The following CENPP variants were observed in gnomAD, a reference collection of about 807,000 sequenced individuals.
CENPP encodes the protein centromere protein P.
In CENPP, 24 loss-of-function variants were observed where a neutral mutation model predicts 35.6. The ratio of observed to expected loss-of-function variants is 0.67; its 90% confidence interval spans 0.49 to 0.95. The LOEUF is 0.95. Ranked by LOEUF, CENPP falls within the 40% of genes least tolerant of loss-of-function variation. The probability of loss-of-function intolerance (pLI) is 0.00; values close to 1 mark genes in which losing one functional copy is unlikely to be tolerated. For synonymous variants in CENPP, 120 were observed against 125.5 expected (o/e 0.96, Z 0.29); for missense variants, 332 against 345.3 (o/e 0.96, Z 0.31).
intron 5 of CENPP, among the ~76,000 whole-genome samples, chr9:92,446,604 T>G (rs890086355): frequency 6.6e-6 from 1 of 152,020 alleles, no homozygotes; most frequent in Non-Finnish European, 1.5e-5. Flanking sequence ...TGTGAATAAA[T>G]TTTTTTTCTT....
intron 5 of CENPP, among the ~76,000 whole-genome samples, chr9:92,520,474 G>A (rs1847997994): frequency 6.6e-6 from 1 of 152,164 alleles, no homozygotes; most frequent in Non-Finnish European, 1.5e-5. Flanking sequence ...TTGTTGGCAG[G>A]AATGTAGAGA....
intron 4 of CENPP, among the ~76,000 whole-genome samples, chr9:92,352,505 G>GTGTGTGTGTGTGTGTATA: frequency 2.0e-5 from 1 of 49,792 alleles, no homozygotes; most frequent in Non-Finnish European, 3.3e-5. Flanking sequence ...GTGTGTGTGT[G>GTGTGTGTGTGTGTGTATA]TATACATATA....
chr9:92,469,391 G>T (rs1845428203), intron 5 of CENPP, among the ~76,000 whole-genome samples: 1 of 152,126 alleles, frequency 6.6e-6, no homozygotes, highest in Non-Finnish European at 1.5e-5. Flanking sequence ...GCATCCCTCA[G>T]TCTGCCTTAA....
chr9:92,478,968 G>C (rs1361175685), intron 5 of CENPP, among the ~76,000 whole-genome samples: 1 of 152,142 alleles, frequency 6.6e-6, no homozygotes, highest in Non-Finnish European at 1.5e-5. Flanking sequence ...TGGCCTGGCA[G>C]CGGGAGCAAG....
chr9:92,400,959 T>G (rs192414021), intron 5 of CENPP: 159 of 541,076 alleles, frequency 2.9e-4, no homozygotes, highest in Middle Eastern at 2.5e-3. Context: ...CCAGTTTGAG[T>G]TTATCATTGG....
At chr9:92,516,947 C>CGG in intron 5 of CENPP, 1 of 152,394 alleles carries the variant, frequency 6.6e-6, no homozygotes, top group Non-Finnish European at 1.5e-5. Flanking sequence ...GTCCCTATCC[C>CGG]TTCCCAGCCA....
intron 5 of CENPP, among the ~76,000 whole-genome samples, chr9:92,428,729 G>T (rs889496934): frequency 6.6e-6 from 1 of 152,036 alleles, no homozygotes; most frequent in African/African-American, 2.4e-5. Flanking sequence ...GCTTCTACTT[G>T]TTACTTCCAG....
chr9:92,418,656 C>T (rs1177981083), intron 5 of CENPP, among the ~76,000 whole-genome samples: 1 of 152,132 alleles, frequency 6.6e-6, no homozygotes, highest in Non-Finnish European at 1.5e-5. Flanking sequence ...GAGCTTTTGC[C>T]TGGGAGATTC....
At chr9:92,459,665 G>A (rs1845022464) in intron 5 of CENPP, 1 of 1,613,002 alleles carries the variant, frequency 6.2e-7, no homozygotes, top group Non-Finnish European at 8.5e-7. Context: ...ATCCTGAAGG[G>A]ATTTTTTTTA....
intron 5 of CENPP, among the ~76,000 whole-genome samples, chr9:92,492,887 T>G (rs1846211901): frequency 1.3e-5 from 2 of 152,176 alleles, no homozygotes; most frequent in South Asian, 4.1e-4. Flanking sequence ...AGGAGGTTGG[T>G]GAGCTTGCAG....
intron 5 of CENPP, among the ~76,000 whole-genome samples, chr9:92,405,162 A>T (rs942465149): frequency 1.3e-5 from 2 of 152,146 alleles, no homozygotes; most frequent in Non-Finnish European, 2.9e-5. Context: ...ATAGTTTTTG[A>T]GGTTGATAGT....
intron 5 of CENPP, among the ~76,000 whole-genome samples, chr9:92,524,955 T>C (rs761025487): frequency 3.3e-5 from 5 of 152,060 alleles, no homozygotes; most frequent in East Asian, 1.9e-4. Flanking sequence ...AGGAGAGGCA[T>C]TGAAGGATTA....
intron 2 of CENPP, 22 bp downstream of exon 2, chr9:92,332,373 A>T: frequency 6.6e-7 from 1 of 1,513,918 alleles, no homozygotes. Flanking sequence ...TTTTAAATCT[A>T]GACATAGTAT....
intron 5 of CENPP, among the ~76,000 whole-genome samples, chr9:92,392,435 A>G (rs371964603): frequency 1.3e-5 from 2 of 152,158 alleles, no homozygotes; most frequent in East Asian, 3.9e-4. Context: ...CAGCCTGGCC[A>G]ACATGGTGAA....
intron 5 of CENPP, chr9:92,514,518 G>A (rs748254290): frequency 1.9e-4 from 266 of 1,376,458 alleles, no homozygotes; most frequent in Non-Finnish European, 2.4e-4. Flanking sequence ...CAGGTGATCT[G>A]GCCACCTCAG....
At position 92,341,271 on chromosome 9, in the gene CENPP, G is replaced by A. The variant is rs567550808; in HGVS notation, c.378+3642G>A. Among the ~76,000 whole-genome samples, 12 of 152,218 alleles carry A rather than the reference G, an allele frequency of 7.9e-5. No individual in the cohort carries two copies. The South Asian group carries it at 2.5e-3, about 32-fold the overall frequency. ...TCATTAGCAATTTTAATTTCGCCTT[G>A]GTCCTGTGGTCCTGTGATCTTGCCC... On this transcript the variant is annotated intron_variant, in intron 3 of 7. Transcript: ENST00000375587.
chr9:92,521,539 C>T (rs1388749078), intron 5 of CENPP, among the ~76,000 whole-genome samples: 1 of 152,096 alleles, frequency 6.6e-6, no homozygotes, highest in Admixed American at 6.5e-5. Flanking sequence ...ATATGAAATA[C>T]TGGCCACAGA....
At chr9:92,417,394 A>G (rs1843647614) in intron 5 of CENPP, 1 of 1,614,132 alleles carries the variant, frequency 6.2e-7, no homozygotes, top group South Asian at 1.1e-5. Context: ...TATACTGATG[A>G]AAAGGAACTC....
intron 5 of CENPP, among the ~76,000 whole-genome samples, chr9:92,486,370 A>G (rs909974436): frequency 6.6e-6 from 1 of 152,190 alleles, no homozygotes; most frequent in Non-Finnish European, 1.5e-5. Context: ...AACTTATTTT[A>G]TACTGTAGGT....
Sources: allele counts gnomAD v4.1 joint callset (sites outside exome capture counted in the v4.1 genomes callset), GRCh38; gene constraint gnomAD v4.1.1; transcripts MANE v1.5; gene names NCBI Gene and HGNC (gene_info 2026-07-23, HGNC 2026-07-21).